The following GLI3 variants were observed in gnomAD, a reference collection of about 807,000 sequenced individuals.
GLI3 encodes transcription activator GLI3.
A neutral mutation model predicts 100.8 loss-of-function variants in GLI3; 20 were observed. The ratio of observed to expected loss-of-function variants is 0.20; its 90% CI spans 0.14 to 0.29. The LOEUF (loss-of-function observed/expected upper bound fraction) is 0.29, where lower values mean the gene tolerates loss of function less well. GLI3 is among the 10% of genes least tolerant of loss of function. The pLI, the probability that GLI3 is intolerant of heterozygous loss-of-function variation, is 1.00. For synonymous variants in GLI3, 938 were observed against 860.5 expected, an observed-to-expected ratio of 1.09 and a Z score of -1.58; for missense variants, 2,040 against 2,128.5, an observed-to-expected ratio of 0.96 and a Z score of 0.82.
At chr7:42,109,620 C>T (rs890599856) in intron 3 of GLI3, among the ~76,000 whole-genome samples, 6 of 152,186 alleles carry the variant, frequency 3.9e-5, no homozygotes, top group African/African-American at 1.4e-4. Flanking sequence ...TGAAACACGG[C>T]AGAGCAGAAG....
Position 41,965,658 on chromosome 7 carries a change from C to T in GLI3, c.3415G>A (p.Ala1139Thr), listed in dbSNP as rs752206282. ...TCGAGGGCATGGAACTGCTGGCCAG[C>T]GTGGCTGTCTGGCAGCCCGGGCGCG... ...FDAPGLPDSH[A>T]GQQFHALEQP... Residue 1139 changes from alanine to threonine, a missense_variant, in exon 15 of 15, where the codon GCT becomes ACT. Physicochemically the swap from Ala to Thr is moderately conservative, Grantham distance 58 (BLOSUM62 0). Transcript: ENST00000395925. 1 of 1,612,582 alleles carries T rather than the reference C, an allele frequency of 6.2e-7. No homozygotes were observed. The highest frequency in any genetic ancestry group is 1.3e-5 in the African/African-American group (1 of 74,872).
At chr7:42,244,977 C>T (rs1788957569) in intron 1 of GLI3, among the ~76,000 whole-genome samples, 2 of 152,156 alleles carry the variant, frequency 1.3e-5, no homozygotes. Context: ...GTCAATTGTA[C>T]CATGTTCTGG....
chr7:42,020,547 T>C (rs762667531), intron 10 of GLI3, among the ~76,000 whole-genome samples: 8 of 152,186 alleles, frequency 5.3e-5, no homozygotes, highest in Non-Finnish European at 8.8e-5. Flanking sequence ...CGGCTATAAA[T>C]AAGGCAGAGC....
rs1415273672 is a variant in GLI3, at chr7:42,223,263, T to G, written c.-10A>C. 6.2e-7 allele frequency: 1 copy of G among 1,612,288 alleles called. No individual in the cohort carries two copies. The highest frequency in any genetic ancestry group is 8.5e-7 in the Non-Finnish European group (1 of 1,179,118). On this transcript the variant is annotated 5_prime_UTR_variant, in exon 2 of 15. Transcript: ENST00000395925. ...GGGACTGGGCCTCCATGATGTCTTC[T>G]CATTACTTCAGCTCTCTTCGACCAA...
At chr7:42,087,111 A>G (rs142610322) in intron 3 of GLI3, among the ~76,000 whole-genome samples, 172 of 152,294 alleles carry the variant, frequency 1.1e-3, no homozygotes, top group African/African-American at 3.9e-3. Context: ...AGGAAAGGTG[A>G]AAAGGGGGAG....
At chr7:42,143,251 A>G (rs929998955) in intron 3 of GLI3, among the ~76,000 whole-genome samples, 5 of 152,184 alleles carry the variant, frequency 3.3e-5, no homozygotes, top group Non-Finnish European at 5.9e-5. Context: ...CAAAGGGCGG[A>G]AAAAAACAAA....
At chr7:42,003,776 C>A (rs556918623) in intron 10 of GLI3, among the ~76,000 whole-genome samples, 1 of 152,136 alleles carries the variant, frequency 6.6e-6, no homozygotes. Context: ...AATTATTATG[C>A]TACGTAAGGC....
intron 7 of GLI3, among the ~76,000 whole-genome samples, chr7:42,039,440 G>A (rs535254980): frequency 2.0e-5 from 3 of 152,320 alleles, no homozygotes; most frequent in South Asian, 2.1e-4. Flanking sequence ...AAGGTGTATG[G>A]TCAAAATAGG....
chr7:42,109,326 C>G (rs996340030), intron 3 of GLI3, among the ~76,000 whole-genome samples: 2 of 152,180 alleles, frequency 1.3e-5, no homozygotes, highest in Non-Finnish European at 2.9e-5. Flanking sequence ...CTTTCACTGA[C>G]AGGCAACCCC....
intron 2 of GLI3, among the ~76,000 whole-genome samples, chr7:42,186,884 C>T (rs1417921030): frequency 6.6e-6 from 1 of 152,006 alleles, no homozygotes; most frequent in Non-Finnish European, 1.5e-5. Flanking sequence ...GTTTTGGAGC[C>T]ATCTAGAATA....
At chr7:42,132,071 T>C (rs1056386891) in intron 3 of GLI3, among the ~76,000 whole-genome samples, 14 of 150,922 alleles carry the variant, frequency 9.3e-5, no homozygotes, top group African/African-American at 3.2e-4. Flanking sequence ...TCTTCAGGAC[T>C]TCATTATTTA....
At chr7:42,079,328 A>C (rs1349359792) in intron 3 of GLI3, among the ~76,000 whole-genome samples, 1 of 152,192 alleles carries the variant, frequency 6.6e-6, no homozygotes, top group Non-Finnish European at 1.5e-5. Flanking sequence ...AAAACAACAA[A>C]AAATTAAGTG....
chr7:42,031,676 G>A (rs897357378), intron 7 of GLI3, among the ~76,000 whole-genome samples: 1 of 152,158 alleles, frequency 6.6e-6, no homozygotes, highest in African/African-American at 2.4e-5. Flanking sequence ...AGCAGACAAG[G>A]AGAAAAATGT....
chr7:42,190,697 T>G (rs1343113486), intron 2 of GLI3, among the ~76,000 whole-genome samples: 1 of 152,066 alleles, frequency 6.6e-6, no homozygotes, highest in African/African-American at 2.4e-5. Context: ...AAATGCAATC[T>G]CAATACCAAA....
At chr7:42,040,878 G>A (rs780300459) in intron 6 of GLI3, among the ~76,000 whole-genome samples, 1 of 152,208 alleles carries the variant, frequency 6.6e-6, no homozygotes, top group Middle Eastern at 3.4e-3. Context: ...TGGTTTTCGG[G>A]ACTCAGCAGA....
At chr7:42,032,560 A>G (rs1468864728) in intron 7 of GLI3, among the ~76,000 whole-genome samples, 1 of 152,214 alleles carries the variant, frequency 6.6e-6, no homozygotes, top group African/African-American at 2.4e-5. Flanking sequence ...ATAAAACCCA[A>G]TTAAAACAGT....
At chr7:42,038,159 C>T (rs368886348) in intron 7 of GLI3, among the ~76,000 whole-genome samples, 93 of 152,320 alleles carry the variant, frequency 6.1e-4, no homozygotes, top group Middle Eastern at 3.4e-3. Flanking sequence ...AAAGTCGCCT[C>T]CAGTCCATGT....
chr7:42,168,788 C>T (rs765314433), intron 2 of GLI3, among the ~76,000 whole-genome samples: 10 of 151,884 alleles, frequency 6.6e-5, no homozygotes, highest in South Asian at 4.2e-4. Flanking sequence ...CATGGTGGCA[C>T]GCACTAGTGG....
At chr7:41,973,452 T>C (rs1207235377) in intron 12 of GLI3, among the ~76,000 whole-genome samples, 1 of 152,218 alleles carries the variant, frequency 6.6e-6, no homozygotes, top group Non-Finnish European at 1.5e-5. Flanking sequence ...AGCCTAAGGA[T>C]ACAGTCATAA....
Sources: gnomAD v4.1 joint callset for allele counts (sites outside exome capture counted in the v4.1 genomes callset) on GRCh38, gnomAD v4.1.1 for gene constraint, MANE v1.5 for transcripts, NCBI Gene and HGNC (gene_info 2026-07-23, HGNC 2026-07-21) for gene names.